SHTN1: variants seen among roughly 807,000 people sequenced by gnomAD.
SHTN1 encodes shootin-1.
SHTN1 carries 42 observed loss-of-function variants against 83.1 expected under a neutral mutation model. That is an observed-to-expected ratio of 0.51 (90% CI 0.39 to 0.65). The LOEUF (loss-of-function observed/expected upper bound fraction) is 0.65, where lower values mean the gene tolerates loss of function less well. Among genes scored for constraint, SHTN1 ranks in the 30% least tolerant of loss-of-function variants. The pLI is 0.00. For synonymous variants in SHTN1, 224 were observed against 247.7 expected (o/e 0.90, Z 0.90); for missense variants, 622 against 737.8 (o/e 0.84, Z 1.82).
chr10:117,003,585 G>A (rs1261732063), intron 1 of SHTN1, among the ~76,000 whole-genome samples: 1 of 151,790 alleles, frequency 6.6e-6, no homozygotes, highest in African/African-American at 2.4e-5. Context: ...GTGGTTTTAC[G>A]CAACAACAGG....
chr10:117,097,517 C>T (rs1402607044), intron 1 of SHTN1, among the ~76,000 whole-genome samples: 1 of 152,192 alleles, frequency 6.6e-6, no homozygotes, highest in Non-Finnish European at 1.5e-5. Context: ...GCAAATTATG[C>T]TAATGAGATG....
chr10:116,885,193 A>G lies in SHTN1; in HGVS notation c.*1151T>C, dbSNP rs1847128251. ...TGCCCTTAGGTGAAAAACACCTGAC[A>G]GCTACATGCTGAGCCATGCTAACAA... On this transcript the variant is annotated 3_prime_UTR_variant, in exon 17 of 17. Transcript: ENST00000355371. 6.6e-6 allele frequency: 1 copy of G among 152,644 alleles called. No individual in the cohort carries two copies. Among genetic ancestry groups the G allele is most frequent in the African/African-American group, 2.4e-5 (1 of 41,458 alleles). The allele number at this position is 152,644 out of a possible 1,614,324, so 9.5% of individuals were successfully genotyped here. A position where few individuals can be genotyped will look rare whatever the true frequency, so the allele number is the denominator to read the frequency against.
chr10:116,937,693 AT>A (rs1181321744), intron 9 of SHTN1, among the ~76,000 whole-genome samples: 1 of 151,928 alleles, frequency 6.6e-6, no homozygotes, highest in African/African-American at 2.4e-5. Context: ...TGTTTTCTGA[AT>A]TTGAATGTTG....
Position 116,906,619 on chromosome 10 carries a change from C to T in SHTN1, c.1480+8G>A, listed in dbSNP as rs777835660. ...GAGAAGGACTGTGGAGAATTCAAAC[C>T]GGCTTACTACTGCTATCTGCTTCTG... On this transcript the variant is annotated splice_region_variant and intron_variant, in intron 15 of 16. Coordinates refer to ENST00000355371, the MANE Select transcript of SHTN1 (RefSeq NM_001127211.3). 51 of 1,605,444 alleles carry T rather than the reference C, an allele frequency of 3.2e-5. No homozygotes were observed. The highest frequency in any genetic ancestry group is 1.7e-4 in the Middle Eastern group (1 of 6,010).
chr10:117,124,917 G>A (rs1853981560), intron 1 of SHTN1, among the ~76,000 whole-genome samples: 1 of 152,196 alleles, frequency 6.6e-6, no homozygotes, highest in South Asian at 2.1e-4. Context: ...GCTATATTGT[G>A]GGGGTTAAGG....
intron 13 of SHTN1, among the ~76,000 whole-genome samples, chr10:116,912,147 C>T (rs1454014283): frequency 2.6e-5 from 4 of 152,172 alleles, no homozygotes; most frequent in African/African-American, 9.7e-5. Context: ...TGGTAGACAT[C>T]GGATTTCAAA....
chr10:117,069,454 G>C (rs59258687), intron 1 of SHTN1, among the ~76,000 whole-genome samples: 1 of 151,986 alleles, frequency 6.6e-6, no homozygotes, highest in Admixed American at 6.6e-5. Context: ...GAAAGATTTT[G>C]GTTCATTAGA....
intron 9 of SHTN1, among the ~76,000 whole-genome samples, chr10:116,938,725 C>T (rs955089823): frequency 2.0e-5 from 3 of 152,166 alleles, no homozygotes; most frequent in South Asian, 2.1e-4. Context: ...TCTTCAGAGT[C>T]GGCAGGCAGG....
intron 7 of SHTN1, among the ~76,000 whole-genome samples, chr10:116,945,869 G>A (rs1474600428): frequency 6.6e-6 from 1 of 152,102 alleles, no homozygotes; most frequent in Non-Finnish European, 1.5e-5. Flanking sequence ...TTTTAGTGTA[G>A]TCATCTAATG....
At chr10:116,931,535 C>G (rs1043277937) in intron 9 of SHTN1, among the ~76,000 whole-genome samples, 2 of 152,168 alleles carry the variant, frequency 1.3e-5, no homozygotes, top group Non-Finnish European at 2.9e-5. Context: ...AGGCGTGAGC[C>G]ACCACACCTG....
chr10:116,983,697 T>C (rs1233794301), intron 1 of SHTN1, among the ~76,000 whole-genome samples: 1 of 145,950 alleles, frequency 6.9e-6, no homozygotes, highest in African/African-American at 2.6e-5. Context: ...AATACATACA[T>C]ACATACATAC....
chr10:116,906,493 C>A, intron 15 of SHTN1, 134 bp downstream of exon 15: 1 of 802,468 alleles, frequency 1.2e-6, no homozygotes, highest in South Asian at 2.6e-5. Flanking sequence ...TTTACCCATC[C>A]CATACTTCTC....
chr10:117,100,599 G>A (rs1321227906), intron 1 of SHTN1, among the ~76,000 whole-genome samples: 4 of 152,110 alleles, frequency 2.6e-5, no homozygotes, highest in Admixed American at 6.5e-5. Flanking sequence ...TAATAATACA[G>A]ATTGGTGGAC....
intron 2 of SHTN1, among the ~76,000 whole-genome samples, chr10:117,041,896 CAG>C (rs1247442146): frequency 6.6e-6 from 1 of 152,144 alleles, no homozygotes; most frequent in East Asian, 1.9e-4. Flanking sequence ...AAAGAACCAA[CAG>C]AATGATATTC....
At chr10:117,002,863 A>G (rs1201859249) in intron 1 of SHTN1, among the ~76,000 whole-genome samples, 9 of 152,226 alleles carry the variant, frequency 5.9e-5, no homozygotes, top group African/African-American at 2.2e-4. Context: ...CTGTTCTATT[A>G]CCTTTCATAT....
At chr10:117,006,230 G>GT (rs994533905), upstream of SHTN1, among the ~76,000 whole-genome samples, 258 of 24,098 alleles carry the variant, frequency 0.011, no homozygotes, top group Non-Finnish European at 0.065. Flanking sequence ...TTATAATGCA[G>GT]TTTTTTTTTG....
chr10:116,996,431 A>G (rs1050241754), intron 1 of SHTN1, among the ~76,000 whole-genome samples: 3 of 152,188 alleles, frequency 2.0e-5, no homozygotes, highest in Non-Finnish European at 2.9e-5. Flanking sequence ...TGATACAAAC[A>G]TAAGAGAAAT....
chr10:116,903,004 A>C (rs1034577619), intron 15 of SHTN1, among the ~76,000 whole-genome samples: 6 of 152,222 alleles, frequency 3.9e-5, no homozygotes, highest in Non-Finnish European at 7.3e-5. Flanking sequence ...ATAGCGTAAC[A>C]TATCAACTCT....
At chr10:116,945,436 T>A (rs952027943) in intron 7 of SHTN1, among the ~76,000 whole-genome samples, 1 of 152,210 alleles carries the variant, frequency 6.6e-6, no homozygotes, top group Non-Finnish European at 1.5e-5. Flanking sequence ...TGGAAAGACA[T>A]CTGTGATGTA....
Sources: allele counts gnomAD v4.1 joint callset (sites outside exome capture counted in the v4.1 genomes callset), GRCh38; gene constraint gnomAD v4.1.1; transcripts MANE v1.5; gene names NCBI Gene and HGNC (gene_info 2026-07-23, HGNC 2026-07-21).